The following CDH18 variants were observed in gnomAD, a reference collection of about 807,000 sequenced individuals.
CDH18 encodes the protein cadherin-18.
Under a neutral mutation model 67.9 loss-of-function variants are expected in CDH18, and 31 were observed. The ratio of observed to expected loss-of-function variants is 0.46; its 90% CI spans 0.34 to 0.62. The LOEUF (loss-of-function observed/expected upper bound fraction) is 0.62, where lower values mean the gene tolerates loss of function less well. Among genes scored for constraint, CDH18 ranks in the 20% least tolerant of loss-of-function variants. CDH18 has a pLI of 0.01. For missense variants in CDH18, 890 were observed against 975.5 expected, an observed-to-expected ratio of 0.91 and a Z score of 1.17; for synonymous variants, 362 against 347.2, an observed-to-expected ratio of 1.04 and a Z score of -0.48.
intron 5 of CDH18, among the ~76,000 whole-genome samples, chr5:19,685,850 G>C (rs1270454632): frequency 3.3e-5 from 5 of 152,126 alleles, no homozygotes; most frequent in Non-Finnish European, 5.9e-5. Flanking sequence ...CAGGAGAGGT[G>C]GCTGGAGGAT....
intron 5 of CDH18, among the ~76,000 whole-genome samples, chr5:19,613,568 G>A (rs1383282024): frequency 6.6e-6 from 1 of 152,170 alleles, no homozygotes; most frequent in African/African-American, 2.4e-5. Flanking sequence ...AAAGAGGGAC[G>A]TTTAACATTT....
At chr5:19,499,669 C>A (rs1186007069) in intron 11 of CDH18, among the ~76,000 whole-genome samples, 3 of 151,986 alleles carry the variant, frequency 2.0e-5, no homozygotes, top group Non-Finnish European at 2.9e-5. Flanking sequence ...GTAACAAAAG[C>A]ATTTTTGTCA....
chr5:20,303,710 G>A (rs565211622), intron 1 of CDH18, among the ~76,000 whole-genome samples: 3 of 152,104 alleles, frequency 2.0e-5, no homozygotes, highest in South Asian at 2.1e-4. Context: ...CAAAACCCAC[G>A]GGTTGTAAGA....
intron 3 of CDH18, among the ~76,000 whole-genome samples, chr5:19,836,336 C>T (rs1217742500): frequency 6.6e-6 from 1 of 152,088 alleles, no homozygotes; most frequent in Non-Finnish European, 1.5e-5. Context: ...TCTGTTGTTT[C>T]CTGACTTTTT....
chr5:19,808,884 T>G (rs1342283546), intron 3 of CDH18, among the ~76,000 whole-genome samples: 1 of 140,602 alleles, frequency 7.1e-6, no homozygotes, highest in Non-Finnish European at 1.6e-5. Context: ...CAGTCTACAA[T>G]TAGTTATAAA....
chr5:20,489,086 C>A (rs182077052), intron 1 of CDH18, among the ~76,000 whole-genome samples: 1 of 152,022 alleles, frequency 6.6e-6, no homozygotes, highest in Non-Finnish European at 1.5e-5. Flanking sequence ...ATTTTCATAT[C>A]TCTATTACAT....
chr5:19,931,123 CA>C (rs1793644855), intron 2 of CDH18, among the ~76,000 whole-genome samples: 1 of 151,948 alleles, frequency 6.6e-6, no homozygotes, highest in African/African-American at 2.4e-5. Flanking sequence ...AAAATTACAT[CA>C]CTAATTTTGT....
Position 20,420,860 on chromosome 5 carries a change from ATCT to A in CDH18, c.-580+154599_-580+154601del, listed in dbSNP as rs560448567. ...CTGAAAGTAGTAAGTCAGCAAAAAA[ATCT>A]TCTTTCACTATATAGTCATTGATTT... On this transcript the variant is annotated intron_variant, in intron 1 of 14. Coordinates refer to the CDH18 transcript ENST00000507958. Among the ~76,000 whole-genome samples, 55 of 151,374 alleles carry A rather than the reference ATCT, an allele frequency of 3.6e-4. 1 individual carries two copies. Among genetic ancestry groups the A allele is most frequent in the Middle Eastern group, 3.4e-3 (1 of 294 alleles).
intron 6 of CDH18, among the ~76,000 whole-genome samples, chr5:19,596,449 G>C (rs1366343833): frequency 6.6e-6 from 1 of 152,052 alleles, no homozygotes; most frequent in Non-Finnish European, 1.5e-5. Flanking sequence ...TGGTCTCCAA[G>C]GTCCAACTAA....
intron 2 of CDH18, among the ~76,000 whole-genome samples, chr5:20,001,262 T>C (rs1052652781): frequency 2.0e-5 from 3 of 152,194 alleles, no homozygotes; most frequent in Non-Finnish European, 2.9e-5. Flanking sequence ...TATATACTTA[T>C]TCATGGAGAA....
chr5:19,944,539 G>A (rs1289942833), intron 2 of CDH18, among the ~76,000 whole-genome samples: 2 of 152,132 alleles, frequency 1.3e-5, no homozygotes, highest in Non-Finnish European at 2.9e-5. Flanking sequence ...CTGGAGAAAT[G>A]CATTGTACTT....
chr5:19,829,072 G>A (rs1780737277), intron 3 of CDH18, among the ~76,000 whole-genome samples: 1 of 151,708 alleles, frequency 6.6e-6, no homozygotes, highest in Admixed American at 6.6e-5. Flanking sequence ...GTAAATAACA[G>A]GAGCCATCTA....
At chr5:19,605,034 A>G (rs1270812207) in intron 6 of CDH18, among the ~76,000 whole-genome samples, 1 of 151,996 alleles carries the variant, frequency 6.6e-6, no homozygotes, top group Non-Finnish European at 1.5e-5. Context: ...GAATCAAATT[A>G]TTTCCAAGAA....
intron 1 of CDH18, among the ~76,000 whole-genome samples, chr5:19,984,806 A>G (rs1799399424): frequency 1.3e-5 from 2 of 152,160 alleles, no homozygotes; most frequent in South Asian, 4.1e-4. Context: ...TCAAATCATT[A>G]AGCTCAGTTC....
At chr5:20,483,459 A>T (rs927774962) in intron 1 of CDH18, among the ~76,000 whole-genome samples, 2 of 152,042 alleles carry the variant, frequency 1.3e-5, no homozygotes, top group African/African-American at 4.8e-5. Context: ...CAGAATAGCC[A>T]ATGTTAACCT....
At chr5:19,973,063 G>A (rs976774646) in intron 2 of CDH18, among the ~76,000 whole-genome samples, 10 of 151,532 alleles carry the variant, frequency 6.6e-5, no homozygotes, top group South Asian at 2.1e-4. Flanking sequence ...AATAACTTAC[G>A]GTATATTTAT....
intron 9 of CDH18, among the ~76,000 whole-genome samples, chr5:19,543,207 T>C (rs1029853158): frequency 3.3e-5 from 5 of 152,166 alleles, no homozygotes; most frequent in African/African-American, 9.6e-5. Flanking sequence ...TATATTCTAA[T>C]TTCATTTAAC....
At chr5:20,019,870 A>T (rs1738244882) in intron 2 of CDH18, among the ~76,000 whole-genome samples, 1 of 152,216 alleles carries the variant, frequency 6.6e-6, no homozygotes, top group Admixed American at 6.5e-5. Flanking sequence ...TCAGAAGAAG[A>T]CAGAAAGATT....
chr5:20,238,675 C>G lies in CDH18; in HGVS notation c.-518+16769G>C, dbSNP rs116721401. Among the ~76,000 whole-genome samples the G allele has an allele frequency of 8.8e-3, 1,340 of 152,164 alleles. 23 individuals carry two copies. Among genetic ancestry groups the G allele is most frequent in the African/African-American group, 0.03 (1,231 of 41,534 alleles). ...TATTAAAAATATGATGTAGCTATTC[C>G]ACTCCTTGGCATTTACACAAAAGAA... is the stretch of plus-strand genomic sequence containing the variant. On this transcript the variant is annotated intron_variant, in intron 2 of 14. Transcript: ENST00000507958.
Sources: allele counts gnomAD v4.1 joint callset (sites outside exome capture counted in the v4.1 genomes callset), GRCh38; gene constraint gnomAD v4.1.1; transcripts MANE v1.5; gene names NCBI Gene and HGNC (gene_info 2026-07-23, HGNC 2026-07-21).